DENND2A: variants seen among roughly 807,000 people sequenced by gnomAD.
DENND2A encodes the protein DENN domain containing 2A, also known as DENN domain-containing protein 2A.
A neutral mutation model predicts 105.3 loss-of-function variants in DENND2A; 53 were observed. The observed-to-expected ratio is 0.50, with a 90% CI of 0.40 to 0.63. The LOEUF is 0.63. Ranked by LOEUF, DENND2A falls within the 30% of genes least tolerant of loss-of-function variation. The pLI is 0.00. For missense variants in DENND2A, 1,138 were observed against 1,279.6 expected (o/e 0.89, Z 1.69); for synonymous variants, 522 against 508.4 (o/e 1.03, Z -0.36).
At position 140,601,481 on chromosome 7, in the gene DENND2A, G is replaced by A; in HGVS notation, c.917C>T (p.Pro306Leu). Residue 306 changes from proline (P) to leucine (L), a missense_variant, in exon 3 of 20, where the codon CCT becomes CTT. Transcript: ENST00000496613. ...GGAAGGTGGGGGAGAGGAGGGCAGAGGCGGGGGAGGTAGAGAGGGCAGAGG... is the reference window on the plus strand; with the variant it reads ...GGAAGGTGGGGGAGAGGAGGGCAGAAGCGGGGGAGGTAGAGAGGGCAGAGG... The part of the protein sequence containing the change: ...LPPLPSLPPP[P>L]LPSSPPPSSV... 1 of 1,613,630 alleles carries A rather than the reference G, an allele frequency of 6.2e-7. No individual in the cohort carries two copies. The highest frequency in any genetic ancestry group is 8.5e-7 in the Non-Finnish European group (1 of 1,179,650).
intron 5 of DENND2A, among the ~76,000 whole-genome samples, chr7:140,584,597 T>C (rs1798699200): frequency 3.3e-5 from 5 of 152,228 alleles, no homozygotes; most frequent in Admixed American, 6.5e-5. Flanking sequence ...ATATTATCTA[T>C]GTGCATATGG....
intron 12 of DENND2A, among the ~76,000 whole-genome samples, chr7:140,550,128 TA>T (rs1400803971): frequency 2.0e-3 from 9 of 4,500 alleles, no homozygotes; most frequent in Non-Finnish European, 2.4e-3. Flanking sequence ...GGGGAGGGGA[TA>T]GGGGTGGGGT....
In DENND2A at chr7:140,559,573, T is replaced by C. The variant is rs79270752; in HGVS notation, c.1889+135A>G. On this transcript the variant is annotated intron_variant, in intron 10 of 19. Coordinates refer to ENST00000496613, the MANE Select transcript of DENND2A (RefSeq NM_015689.5). This position sits in a 1 kb window ranked among gnomAD's most constrained non-coding sequence, Gnocchi z 4.1. ...TTCAGGGAAGCTTTAAAAACACCCC[T>C]TGGGGAAAGCTCTAGGCCAGGCCCA... 1.6e-3 allele frequency: 1,074 copies of C among 651,290 alleles called. 12 individuals are homozygous for C. Among genetic ancestry groups the C allele is most frequent in the African/African-American group, 0.016 (873 of 54,002 alleles). 40.3% of individuals were successfully genotyped at this position (651,290 alleles called of 1,614,324 possible). A position where few individuals can be genotyped will look rare whatever the true frequency, so the allele number is the denominator to read the frequency against.
At chr7:140,602,816 T>A (rs867995370) in intron 2 of DENND2A, among the ~76,000 whole-genome samples, 5 of 151,090 alleles carry the variant, frequency 3.3e-5, no homozygotes, top group Non-Finnish European at 7.4e-5. Flanking sequence ...TCTACAAAAA[T>A]TTTTTTTAAA....
chr7:140,609,851 G>T (rs2130701398), intron 1 of DENND2A: 1 of 152,282 alleles, frequency 6.6e-6, no homozygotes, highest in East Asian at 1.9e-4. Flanking sequence ...GGGTGGGACT[G>T]GTCTGAAGGC....
rs1585736195 is a variant in DENND2A at position 140,602,472 on chromosome 7, G to A, written c.-75C>T. 1.4e-6 allele frequency: 2 copies of A among 1,449,936 alleles called. No individual in the cohort carries two copies. The highest frequency in any genetic ancestry group is 1.8e-4 in the Middle Eastern group (1 of 5,442). 89.8% of individuals were successfully genotyped at this position (1,449,936 alleles called of 1,614,324 possible). A position where few individuals can be genotyped will look rare whatever the true frequency, so the allele number is the denominator to read the frequency against. Reference sequence around the variant, plus strand: ...AAGCCTGACTCCTGATCAGTCTCTAGGAATGGAATGGAGGACTAAAGTGGA... The same window carrying A: ...AAGCCTGACTCCTGATCAGTCTCTAAGAATGGAATGGAGGACTAAAGTGGA... On this transcript the variant is annotated 5_prime_UTR_variant, in exon 3 of 20. Transcript: ENST00000496613.
At chr7:140,579,497 A>G (rs532804186) in intron 5 of DENND2A, among the ~76,000 whole-genome samples, 1 of 151,452 alleles carries the variant, frequency 6.6e-6, no homozygotes, top group South Asian at 2.1e-4. Context: ...GATTCAAGCA[A>G]TTCTCCTGCC....
At chr7:140,532,071 T>A (rs1024741724) in intron 14 of DENND2A, among the ~76,000 whole-genome samples, 1 of 152,026 alleles carries the variant, frequency 6.6e-6, no homozygotes, top group African/African-American at 2.4e-5. Flanking sequence ...GAGATCAGCC[T>A]GGCCAACATG....
At position 140,527,517 on chromosome 7, in the gene DENND2A, G is replaced by T; in HGVS notation, c.2328-22C>A. 1 of 1,577,854 alleles carries T rather than the reference G, an allele frequency of 6.3e-7. No individual in the cohort carries two copies. Among genetic ancestry groups the T allele is most frequent in the Non-Finnish European group, 8.6e-7 (1 of 1,158,214 alleles). On this transcript the variant is annotated intron_variant, in intron 14 of 19. Coordinates refer to ENST00000496613, the MANE Select transcript of DENND2A (RefSeq NM_015689.5). This position sits in a 1 kb window ranked among gnomAD's most constrained non-coding sequence, Gnocchi z 4.9. ...GATGCTGCAGCCGGGGAGAGAACAG[G>T]GAGAGAGGCCGACTCAGCGAGGGCC...
intron 3 of DENND2A, among the ~76,000 whole-genome samples, chr7:140,596,548 G>C (rs1487731119): frequency 6.6e-6 from 1 of 152,150 alleles, no homozygotes; most frequent in Non-Finnish European, 1.5e-5. Context: ...GGAAATTATG[G>C]AATCAATAAC....
At chr7:140,604,471 T>C (rs187485531) in intron 2 of DENND2A, among the ~76,000 whole-genome samples, 12 of 152,378 alleles carry the variant, frequency 7.9e-5, no homozygotes, top group Admixed American at 5.2e-4. Context: ...TTTAAATTGT[T>C]CCATCACCAC....
intron 6 of DENND2A, among the ~76,000 whole-genome samples, chr7:140,571,382 G>A (rs1158968876): frequency 7.2e-5 from 11 of 152,010 alleles, no homozygotes; most frequent in African/African-American, 2.4e-4. Context: ...GGCTGGTCTC[G>A]AACTTCTGAC....
At chr7:140,615,879 T>C (rs1010261231) in intron 1 of DENND2A, among the ~76,000 whole-genome samples, 4 of 152,010 alleles carry the variant, frequency 2.6e-5, no homozygotes, top group Non-Finnish European at 5.9e-5. Flanking sequence ...TTATGCTTAA[T>C]GCGTCCACCA....
chr7:140,596,830 C>G (rs1006106192), intron 3 of DENND2A, among the ~76,000 whole-genome samples: 1 of 152,196 alleles, frequency 6.6e-6, no homozygotes, highest in African/African-American at 2.4e-5. Flanking sequence ...ATGGTGCTCA[C>G]ACTTAAAGAG....
chr7:140,555,860 A>G, intron 11 of DENND2A, 147 bp from the exon 12 acceptor site: 1 of 560,584 alleles, frequency 1.8e-6, no homozygotes, highest in East Asian at 3.2e-5. Flanking sequence ...TTGTTATCCC[A>G]TTGTGTTTAT....
At chr7:140,619,804 C>G (rs1179191776) in intron 1 of DENND2A, among the ~76,000 whole-genome samples, 1 of 151,968 alleles carries the variant, frequency 6.6e-6, no homozygotes, top group African/African-American at 2.4e-5. Context: ...CCAGCCAAAA[C>G]TGTACATTTT....
intron 2 of DENND2A, among the ~76,000 whole-genome samples, chr7:140,604,261 C>T (rs549084966): frequency 6.6e-6 from 1 of 152,366 alleles, no homozygotes; most frequent in African/African-American, 2.4e-5. Context: ...GTGTAAAGAC[C>T]TCTTCCTCAG....
chr7:140,635,856 GAGTAAAC>G (rs550192153), intron 1 of DENND2A, among the ~76,000 whole-genome samples: 190 of 152,336 alleles, frequency 1.2e-3, no homozygotes, highest in African/African-American at 4.3e-3. Context: ...AGGGCTGACG[GAGTAAAC>G]TGTTGCCCAC....
At chr7:140,615,380 C>T (rs1215307196) in intron 1 of DENND2A, among the ~76,000 whole-genome samples, 3 of 152,296 alleles carry the variant, frequency 2.0e-5, no homozygotes, top group East Asian at 3.9e-4. Context: ...AAACTGCGGC[C>T]TGCACCCTTC....
Sources: gnomAD v4.1 joint callset for allele counts (sites outside exome capture counted in the v4.1 genomes callset) on GRCh38, gnomAD v4.1.1 for gene constraint, Gnocchi (gnomAD v3.1) non-coding constraint, MANE v1.5 for transcripts, NCBI Gene and HGNC (gene_info 2026-07-23, HGNC 2026-07-21) for gene names.